ATRNL1: variants seen among roughly 807,000 people sequenced by gnomAD.
ATRNL1 encodes the protein attractin-like protein 1.
ATRNL1 carries 95 observed loss-of-function variants against 182.7 expected under a neutral mutation model. The ratio of observed to expected loss-of-function variants is 0.52; its 90% CI spans 0.44 to 0.62. ATRNL1 has a LOEUF of 0.62. Ranked by LOEUF, ATRNL1 falls within the 20% of genes least tolerant of loss-of-function variation. The probability of loss-of-function intolerance (pLI) is 0.00; values close to 1 mark genes in which losing one functional copy is unlikely to be tolerated. For missense variants in ATRNL1, 1,471 were observed against 1,679.5 expected (o/e 0.88, Z 2.17); for synonymous variants, 576 against 568.3 (o/e 1.01, Z -0.19).
At chr10:115,222,118 C>CA (rs1849491760) in intron 9 of ATRNL1, among the ~76,000 whole-genome samples, 2 of 151,866 alleles carry the variant, frequency 1.3e-5, no homozygotes, top group Non-Finnish European at 2.9e-5. Flanking sequence ...CCTGGATACT[C>CA]ATACTTATGA....
intron 9 of ATRNL1, among the ~76,000 whole-genome samples, chr10:115,234,874 C>T (rs1037535239): frequency 3.9e-5 from 6 of 152,020 alleles, no homozygotes; most frequent in African/African-American, 1.4e-4. Context: ...CTGGTATGAG[C>T]CGGATTTGAT....
chr10:115,278,981 T>C (rs961223638), intron 13 of ATRNL1, among the ~76,000 whole-genome samples: 3 of 151,898 alleles, frequency 2.0e-5, no homozygotes, highest in Non-Finnish European at 2.9e-5. Flanking sequence ...GGCAGGTGGA[T>C]CATGAGGTCA....
At chr10:115,775,002 AT>A (rs782407226) in intron 27 of ATRNL1, among the ~76,000 whole-genome samples, 5 of 152,212 alleles carry the variant, frequency 3.3e-5, no homozygotes, top group Non-Finnish European at 7.3e-5. Flanking sequence ...TAAGAAATGA[AT>A]ACCATTGAGG....
At chr10:115,301,594 C>T (rs782443949) in intron 16 of ATRNL1, among the ~76,000 whole-genome samples, 4 of 152,100 alleles carry the variant, frequency 2.6e-5, no homozygotes, top group Non-Finnish European at 4.4e-5. Flanking sequence ...GATTACATTA[C>T]TGCTTATAAT....
At chr10:115,531,176 A>T (rs868977968) in intron 25 of ATRNL1, among the ~76,000 whole-genome samples, 3,868 of 151,540 alleles carry the variant, frequency 0.026, 173 homozygotes, top group African/African-American at 0.091. Flanking sequence ...TGGTATTTCT[A>T]GTTCTAGATC....
At chr10:115,102,759 G>A (rs1274694879) in intron 1 of ATRNL1, among the ~76,000 whole-genome samples, 1 of 152,120 alleles carries the variant, frequency 6.6e-6, no homozygotes, top group African/African-American at 2.4e-5. Context: ...TAGATAATGA[G>A]ATTCCCCCAA....
chr10:115,587,042 G>C (rs1431153382), intron 26 of ATRNL1, among the ~76,000 whole-genome samples: 1 of 149,810 alleles, frequency 6.7e-6, no homozygotes, highest in Non-Finnish European at 1.5e-5. Context: ...CCCTACTGGG[G>C]GGTGCCTCCC....
intron 28 of ATRNL1, among the ~76,000 whole-genome samples, chr10:115,871,320 C>T (rs115447752): frequency 0.016 from 2,405 of 150,876 alleles, 78 homozygotes; most frequent in African/African-American, 0.055. Context: ...ACAATGACAA[C>T]AAAAGGCATA....
At chr10:115,738,422 G>A (rs150938613) in intron 27 of ATRNL1, among the ~76,000 whole-genome samples, 5,053 of 151,954 alleles carry the variant, frequency 0.033, 264 homozygotes, top group African/African-American at 0.11. Context: ...TTACAGGCAT[G>A]AGCTGCCATG....
intron 26 of ATRNL1, among the ~76,000 whole-genome samples, chr10:115,555,963 G>C (rs1853292043): frequency 6.6e-6 from 1 of 151,962 alleles, no homozygotes; most frequent in Admixed American, 6.6e-5. Flanking sequence ...GTGGAGACTA[G>C]AGTGCAATGC....
In ATRNL1 at chr10:115,407,985, CTTTTTTTTTTTTTTTTTT is replaced by C. The variant is rs71010022; in HGVS notation, c.3269+13245_3269+13262del. ...CTCTTTGTGGTTTTGATTTGCATTT[CTTTTTTTTTTTTTTTTTT>C]TTTTTTTTTTTGAGACGGAGTCTCG... On this transcript the variant is annotated intron_variant, in intron 20 of 28. Transcript: ENST00000355044. 7.2e-5 allele frequency among the ~76,000 whole-genome samples: 7 copies of C among 97,806 alleles called. No homozygotes were observed. The South Asian group carries it at 1.3e-3, about 18-fold the overall frequency. 64.2% of individuals were successfully genotyped at this position (97,806 alleles called of 152,430 possible). A position where few individuals can be genotyped will look rare whatever the true frequency, so the allele number is the denominator to read the frequency against.
intron 19 of ATRNL1, among the ~76,000 whole-genome samples, chr10:115,353,177 G>A (rs782509264): frequency 1.3e-5 from 2 of 152,062 alleles, no homozygotes; most frequent in Non-Finnish European, 2.9e-5. Flanking sequence ...AAGTCCCCAG[G>A]CATTATTATA....
intron 26 of ATRNL1, among the ~76,000 whole-genome samples, chr10:115,569,012 T>C (rs1234461277): frequency 6.6e-6 from 1 of 152,034 alleles, no homozygotes; most frequent in Non-Finnish European, 1.5e-5. Flanking sequence ...CACAACATTT[T>C]TGTGTACCAC....
At chr10:115,534,853 T>G (rs9665705) in intron 25 of ATRNL1, among the ~76,000 whole-genome samples, 2 of 150,954 alleles carry the variant, frequency 1.3e-5, no homozygotes, top group Non-Finnish European at 3.0e-5. Context: ...TTTTATTTCT[T>G]CTTCACTTAT....
At chr10:115,899,234 T>C (rs1330876250) in intron 28 of ATRNL1, among the ~76,000 whole-genome samples, 1 of 152,028 alleles carries the variant, frequency 6.6e-6, no homozygotes, top group African/African-American at 2.4e-5. Context: ...GAACATGCGG[T>C]GTTTGGTTTT....
chr10:115,273,334 C>T (rs181335108), intron 13 of ATRNL1, among the ~76,000 whole-genome samples: 1 of 152,306 alleles, frequency 6.6e-6, no homozygotes, highest in East Asian at 1.9e-4. Flanking sequence ...TACTCTTTTG[C>T]TGATGTCACG....
chr10:115,797,287 T>C (rs1949676409), intron 27 of ATRNL1, among the ~76,000 whole-genome samples: 1 of 152,194 alleles, frequency 6.6e-6, no homozygotes, highest in Non-Finnish European at 1.5e-5. Flanking sequence ...AAATAGGCCT[T>C]TAAAAGTCCT....
chr10:115,400,874 C>T (rs677212), intron 20 of ATRNL1, among the ~76,000 whole-genome samples: 57,861 of 151,742 alleles, frequency 0.38, 12,191 homozygotes, highest in African/African-American at 0.57. Flanking sequence ...AGCATACCAA[C>T]GGGTCTTGGA....
intron 26 of ATRNL1, among the ~76,000 whole-genome samples, chr10:115,677,220 C>T (rs782547539): frequency 3.3e-5 from 5 of 152,008 alleles, no homozygotes; most frequent in Non-Finnish European, 5.9e-5. Flanking sequence ...TAAGGGGTTC[C>T]AGGAATTTCA....
Sources: allele counts gnomAD v4.1 joint callset (sites outside exome capture counted in the v4.1 genomes callset), GRCh38; gene constraint gnomAD v4.1.1; transcripts MANE v1.5; gene names NCBI Gene and HGNC (gene_info 2026-07-23, HGNC 2026-07-21).